Variants in BNC2 observed in about 807,000 individuals in gnomAD.
BNC2 encodes the protein zinc finger protein basonuclin-2.
In BNC2, 20 loss-of-function variants were observed where a neutral mutation model predicts 76.3. The observed-to-expected ratio is 0.26, with a 90% CI of 0.18 to 0.38. The LOEUF is 0.38. BNC2 is among the 10% of genes least tolerant of loss of function. BNC2 has a pLI of 1.00. For missense variants in BNC2, 1,382 were observed against 1,399.8 expected, an observed-to-expected ratio of 0.99 and a Z score of 0.20; for synonymous variants, 582 against 514.8, an observed-to-expected ratio of 1.13 and a Z score of -1.77.
chr9:16,601,074 A>G (rs751908660), intron 3 of BNC2, among the ~76,000 whole-genome samples: 1 of 152,212 alleles, frequency 6.6e-6, no homozygotes, highest in African/African-American at 2.4e-5. Context: ...CTGCGAAAAC[A>G]AGGTTCCACA....
chr9:16,479,008 T>C (rs144013719), intron 5 of BNC2, among the ~76,000 whole-genome samples: 7,553 of 152,158 alleles, frequency 0.05, 192 homozygotes, highest in African/African-American at 0.063. Flanking sequence ...TCCCAGCACT[T>C]TGGAAGGCCG....
chr9:16,621,480 C>CA (rs1217173125), intron 3 of BNC2, among the ~76,000 whole-genome samples: 24 of 152,242 alleles, frequency 1.6e-4, no homozygotes, highest in African/African-American at 5.1e-4. Flanking sequence ...GCCAAGGAAT[C>CA]AAAAATGTTA....
At chr9:16,457,947 C>T (rs970879480) in intron 5 of BNC2, among the ~76,000 whole-genome samples, 1 of 152,154 alleles carries the variant, frequency 6.6e-6, no homozygotes, top group Non-Finnish European at 1.5e-5. Flanking sequence ...AAGAGAGATT[C>T]TGTGATGGTG....
At chr9:16,727,555 T>C in intron 3 of BNC2, 1 of 522,904 alleles carries the variant, frequency 1.9e-6, no homozygotes, top group Non-Finnish European at 3.4e-6. Context: ...TTTTCAACAA[T>C]GTCTCTGCTT....
intron 3 of BNC2, among the ~76,000 whole-genome samples, chr9:16,657,856 A>G (rs1421898746): frequency 6.6e-6 from 1 of 152,182 alleles, no homozygotes; most frequent in Non-Finnish European, 1.5e-5. Flanking sequence ...TGTGGGGGCT[A>G]CTTGGGATAC....
At chr9:16,722,789 C>CAT (rs1563915160) in intron 3 of BNC2, among the ~76,000 whole-genome samples, 1 of 152,012 alleles carries the variant, frequency 6.6e-6, no homozygotes, top group East Asian at 1.9e-4. Context: ...CATAGAATAC[C>CAT]ATATATATAA....
chr9:16,641,307 A>G (rs1183699497), intron 3 of BNC2, among the ~76,000 whole-genome samples: 1 of 152,208 alleles, frequency 6.6e-6, no homozygotes, highest in Non-Finnish European at 1.5e-5. Context: ...ATCATGGAAA[A>G]GATCTTAAAT....
intron 3 of BNC2, among the ~76,000 whole-genome samples, chr9:16,602,986 G>C (rs1563858675): frequency 6.6e-6 from 1 of 152,172 alleles, no homozygotes; most frequent in Non-Finnish European, 1.5e-5. Flanking sequence ...CATTCTATGA[G>C]TTATCCACTG....
intron 5 of BNC2, among the ~76,000 whole-genome samples, chr9:16,502,567 T>A (rs1001067986): frequency 1.3e-5 from 2 of 152,076 alleles, no homozygotes; most frequent in Admixed American, 6.5e-5. Context: ...CCCTCTTACT[T>A]CTTCTTGGGG....
intron 4 of BNC2, among the ~76,000 whole-genome samples, chr9:16,556,513 T>A (rs1413540936): frequency 6.6e-6 from 1 of 152,094 alleles, no homozygotes; most frequent in Admixed American, 6.5e-5. Flanking sequence ...CTCACACCTG[T>A]AATCCCAGCA....
chr9:16,539,847 G>GGGAAA lies in BNC2; in HGVS notation c.669+12678_669+12682dup, dbSNP rs1204562853. On this transcript the variant is annotated intron_variant, in intron 5 of 6. Transcript: ENST00000380672. The stretch of plus-strand genomic sequence containing the variant: ...AGGAAAGGAAGGGAAGGGAAGGGAA[G>GGGAAA]GGAAAGGAAAGCAAAGGAAAGGAAA... 1.8e-3 allele frequency among the ~76,000 whole-genome samples: 249 copies of GGGAAA among 138,814 alleles called. 1 individual carries two copies. The Middle Eastern group carries it at 0.019, about 11-fold the overall frequency. The allele number at this position is 138,814 out of a possible 152,430, so 91.1% of individuals were successfully genotyped here.
chr9:16,695,849 A>T (rs755951913), intron 3 of BNC2, among the ~76,000 whole-genome samples: 1 of 107,494 alleles, frequency 9.3e-6, no homozygotes, highest in Non-Finnish European at 2.5e-5. Context: ...TCCAGTTAAC[A>T]TCTCGAGCTA....
chr9:16,523,501 A>AAC (rs1817690030), intron 5 of BNC2, among the ~76,000 whole-genome samples: 1 of 151,480 alleles, frequency 6.6e-6, no homozygotes, highest in African/African-American at 2.4e-5. Context: ...AACAAAAAAA[A>AAC]ACAATTAATG....
At chr9:16,788,246 G>A (rs1297198891) in intron 1 of BNC2, among the ~76,000 whole-genome samples, 2 of 152,110 alleles carry the variant, frequency 1.3e-5, no homozygotes, top group African/African-American at 4.8e-5. Flanking sequence ...CTTGGCTGAT[G>A]ACACTCCATA....
chr9:16,866,107 T>A (rs1037722152), intron 1 of BNC2, among the ~76,000 whole-genome samples: 2 of 152,164 alleles, frequency 1.3e-5, no homozygotes, highest in African/African-American at 4.8e-5. Context: ...AAAACTAGTA[T>A]ATAAATATTA....
intron 3 of BNC2, among the ~76,000 whole-genome samples, chr9:16,659,155 G>GA (rs1822022849): frequency 6.7e-6 from 1 of 149,720 alleles, no homozygotes. Flanking sequence ...GGCGGGGGGG[G>GA]GCATGTGAAT....
At position 16,832,774 on chromosome 9, in the gene BNC2, G is replaced by A. The variant is rs139020045; in HGVS notation, c.3+37872C>T. On this transcript the variant is annotated intron_variant, in intron 1 of 6. Coordinates refer to ENST00000380672, the MANE Select transcript of BNC2 (RefSeq NM_017637.6). Reference sequence around the variant, plus strand: ...TGGAGTCTCGCTCTGTCACCAGGCCGGAGTGCAGTGGCGCGATCTCGGCTT... The same window carrying A: ...TGGAGTCTCGCTCTGTCACCAGGCCAGAGTGCAGTGGCGCGATCTCGGCTT... 1.3e-4 allele frequency among the ~76,000 whole-genome samples: 19 copies of A among 151,796 alleles called. No homozygotes were observed. The East Asian group carries it at 3.1e-3, about 25-fold the overall frequency.
intron 5 of BNC2, among the ~76,000 whole-genome samples, chr9:16,499,432 T>C (rs937566163): frequency 7.9e-5 from 12 of 152,156 alleles, no homozygotes; most frequent in African/African-American, 2.9e-4. Flanking sequence ...CCACACTAAA[T>C]CACACCAATT....
intron 1 of BNC2, among the ~76,000 whole-genome samples, chr9:16,835,179 T>A (rs1818673682): frequency 6.6e-6 from 1 of 152,238 alleles, no homozygotes; most frequent in Non-Finnish European, 1.5e-5. Flanking sequence ...CAACTTCATA[T>A]AATAGCAAAC....
Sources: gnomAD v4.1 joint callset for allele counts (sites outside exome capture counted in the v4.1 genomes callset) on GRCh38, gnomAD v4.1.1 for gene constraint, MANE v1.5 for transcripts, NCBI Gene and HGNC (gene_info 2026-07-23, HGNC 2026-07-21) for gene names.